Variants in PDE4D observed in about 807,000 individuals in gnomAD.
PDE4D encodes the protein 3',5'-cyclic-AMP phosphodiesterase 4D.
PDE4D carries 24 observed loss-of-function variants against 87.4 expected under a neutral mutation model. The ratio of observed to expected loss-of-function variants is 0.27; its 90% CI spans 0.20 to 0.39. The LOEUF is 0.39. Ranked by LOEUF, PDE4D falls within the 10% of genes least tolerant of loss-of-function variation. The pLI is 1.00. For synonymous variants in PDE4D, 384 were observed against 383.2 expected, an observed-to-expected ratio of 1.00 and a Z score of -0.02; for missense variants, 714 against 1,041.0, an observed-to-expected ratio of 0.69 and a Z score of 4.32.
intron 1 of PDE4D, among the ~76,000 whole-genome samples, chr5:60,246,638 TA>T (rs1747813340): frequency 6.6e-6 from 1 of 151,898 alleles, no homozygotes; most frequent in Admixed American, 6.6e-5. Context: ...TTTTTAACCT[TA>T]TTTTTTCTTA....
chr5:59,292,494 T>C (rs1288907507), intron 1 of PDE4D, among the ~76,000 whole-genome samples: 1 of 152,166 alleles, frequency 6.6e-6, no homozygotes, highest in Non-Finnish European at 1.5e-5. Flanking sequence ...AATTTTGCTT[T>C]TGAAATTATG....
rs116359438 is a variant in PDE4D at position 59,418,660 on chromosome 5, T to A, written c.456-202692A>T. Among the ~76,000 whole-genome samples, 406 of 150,982 alleles carry A rather than the reference T, an allele frequency of 2.7e-3. 3 individuals carry two copies. The highest frequency in any genetic ancestry group is 9.5e-3 in the African/African-American group (382 of 40,398). On this transcript the variant is annotated intron_variant, in intron 1 of 14. Transcript: ENST00000340635. ...GATTTACCTAACAATTTTTTTTTTG[T>A]TTTTTTGAGACAGAGTCTTACTCTG...
intron 1 of PDE4D, among the ~76,000 whole-genome samples, chr5:60,445,346 ATTATG>A (rs1745565262): frequency 6.6e-6 from 1 of 152,230 alleles, no homozygotes; most frequent in Non-Finnish European, 1.5e-5. Flanking sequence ...AAAATTTTAT[ATTATG>A]TTTTTTCAAG....
At position 59,677,947 on chromosome 5, in the gene PDE4D, C is replaced by G. The variant is rs555804360; in HGVS notation, c.455+215221G>C. Among the ~76,000 whole-genome samples the G allele has an allele frequency of 5.9e-5, 9 of 152,150 alleles. No homozygotes were observed. The East Asian group carries it at 1.5e-3, about 26-fold the overall frequency. The stretch of plus-strand genomic sequence containing the variant: ...CATTAAATTTTTAATTCTTGGGGAC[C>G]AAAAATCTCATTTCTCTTTGTATGT... On this transcript the variant is annotated intron_variant, in intron 1 of 14. Coordinates refer to ENST00000340635, the MANE Select transcript of PDE4D (RefSeq NM_001104631.2).
chr5:59,222,875 G>A (rs1458937117), intron 1 of PDE4D, among the ~76,000 whole-genome samples: 2 of 152,114 alleles, frequency 1.3e-5, no homozygotes, highest in African/African-American at 4.8e-5. Context: ...GAAAATGTTT[G>A]GAAAGCATTC....
intron 2 of PDE4D, among the ~76,000 whole-genome samples, chr5:60,177,013 G>A (rs775845963): frequency 2.0e-5 from 3 of 152,044 alleles, no homozygotes; most frequent in African/African-American, 7.2e-5. Flanking sequence ...GAAAGGACTG[G>A]GTTTGTCCTG....
At chr5:59,942,444 C>T (rs914115678) in intron 3 of PDE4D, among the ~76,000 whole-genome samples, 9 of 152,040 alleles carry the variant, frequency 5.9e-5, no homozygotes, top group Non-Finnish European at 8.8e-5. Context: ...GCATGGAAGC[C>T]CTTTAATCAG....
intron 1 of PDE4D, among the ~76,000 whole-genome samples, chr5:59,370,391 T>C (rs1158705263): frequency 6.6e-6 from 1 of 152,180 alleles, no homozygotes; most frequent in Non-Finnish European, 1.5e-5. Flanking sequence ...CTCAACTTCT[T>C]CCTGTTCCTT....
At chr5:59,009,652 A>G (rs1752368373) in intron 6 of PDE4D, among the ~76,000 whole-genome samples, 1 of 152,088 alleles carries the variant, frequency 6.6e-6, no homozygotes, top group South Asian at 2.1e-4. Context: ...TATATTATAT[A>G]GTACATATAT....
upstream of PDE4D, chr5:60,490,977 A>T (rs890384858): frequency 6.6e-6 from 1 of 152,218 alleles, no homozygotes; most frequent in Admixed American, 6.5e-5. Context: ...TCCTGTTAGT[A>T]TGTCAAATCA....
At chr5:59,735,010 A>G (rs1157599329) in intron 1 of PDE4D, among the ~76,000 whole-genome samples, 3 of 152,182 alleles carry the variant, frequency 2.0e-5, no homozygotes, top group Non-Finnish European at 4.4e-5. Flanking sequence ...TATTAATCCT[A>G]TATTGAGGTT....
chr5:59,907,819 C>T (rs1753004237), intron 3 of PDE4D, among the ~76,000 whole-genome samples: 1 of 152,108 alleles, frequency 6.6e-6, no homozygotes, highest in Non-Finnish European at 1.5e-5. Context: ...AGGAAGTTTA[C>T]TCCAAAGCAA....
At chr5:60,052,718 A>T (rs1770325296) in intron 2 of PDE4D, among the ~76,000 whole-genome samples, 1 of 152,050 alleles carries the variant, frequency 6.6e-6, no homozygotes, top group South Asian at 2.1e-4. Context: ...GAAATAAAGG[A>T]TATTCAGATA....
At chr5:59,494,921 A>G (rs1353001927) in intron 1 of PDE4D, among the ~76,000 whole-genome samples, 1 of 152,214 alleles carries the variant, frequency 6.6e-6, no homozygotes, top group Non-Finnish European at 1.5e-5. Context: ...AAAAAGCAAG[A>G]AAAGAAAAAG....
chr5:59,637,479 A>G (rs994619333), intron 1 of PDE4D, among the ~76,000 whole-genome samples: 2 of 152,132 alleles, frequency 1.3e-5, no homozygotes, highest in African/African-American at 4.8e-5. Context: ...TCACAATAGC[A>G]AAGACTTGGA....
intron 1 of PDE4D, among the ~76,000 whole-genome samples, chr5:59,420,388 A>T (rs891445754): frequency 7.2e-5 from 11 of 152,288 alleles, no homozygotes; most frequent in African/African-American, 2.6e-4. Context: ...TTATTTTGAG[A>T]TGACTTTGAA....
intron 1 of PDE4D, among the ~76,000 whole-genome samples, chr5:59,779,325 A>G (rs896707949): frequency 1.3e-5 from 2 of 151,976 alleles, no homozygotes; most frequent in Non-Finnish European, 2.9e-5. Context: ...CCCAAACTCA[A>G]CCTTCCCCCA....
chr5:59,569,001 T>G (rs1821388784), intron 1 of PDE4D, among the ~76,000 whole-genome samples: 1 of 152,202 alleles, frequency 6.6e-6, no homozygotes, highest in African/African-American at 2.4e-5. Context: ...GGAAACTCCC[T>G]GCACTATCTT....
chr5:59,209,517 A>C (rs1003517373), intron 2 of PDE4D, among the ~76,000 whole-genome samples: 2 of 152,186 alleles, frequency 1.3e-5, no homozygotes, highest in African/African-American at 4.8e-5. Context: ...GATATGAATA[A>C]ACAACTAATC....
Sources: gnomAD v4.1 joint callset for allele counts (sites outside exome capture counted in the v4.1 genomes callset) on GRCh38, gnomAD v4.1.1 for gene constraint, MANE v1.5 for transcripts, NCBI Gene and HGNC (gene_info 2026-07-23, HGNC 2026-07-21) for gene names.